MAPRE2: variants seen among roughly 807,000 people sequenced by gnomAD.
MAPRE2 encodes microtubule-associated protein RP/EB family member 2.
A neutral mutation model predicts 43.2 loss-of-function variants in MAPRE2; 13 were observed. The ratio of observed to expected loss-of-function variants is 0.30; its 90% CI spans 0.20 to 0.48. MAPRE2 has a LOEUF of 0.48. Ranked by LOEUF, MAPRE2 falls within the 20% of genes least tolerant of loss-of-function variation. The pLI is 0.99. For synonymous variants in MAPRE2, 135 were observed against 148.8 expected, an observed-to-expected ratio of 0.91 and a Z score of 0.68; for missense variants, 161 against 400.2, an observed-to-expected ratio of 0.40 and a Z score of 5.10.
At chr18:35,105,710 G>C (rs1908872664) in intron 4 of MAPRE2, among the ~76,000 whole-genome samples, 2 of 151,996 alleles carry the variant, frequency 1.3e-5, no homozygotes, top group South Asian at 4.2e-4. Flanking sequence ...TTAGCACATA[G>C]CTCATTAGGG....
intron 2 of MAPRE2, among the ~76,000 whole-genome samples, chr18:35,077,631 A>G (rs1907435045): frequency 6.6e-6 from 1 of 152,188 alleles, no homozygotes. Context: ...CATTAACTTC[A>G]GTGACTGGAG....
chr18:35,056,878 G>C (rs1906259628), intron 1 of MAPRE2, among the ~76,000 whole-genome samples: 1 of 152,064 alleles, frequency 6.6e-6, no homozygotes, highest in Non-Finnish European at 1.5e-5. Context: ...TAAAAATTTT[G>C]TCCTTTGCTC....
intron 2 of MAPRE2, among the ~76,000 whole-genome samples, chr18:35,029,936 G>C (rs1439852654): frequency 6.6e-6 from 1 of 152,194 alleles, no homozygotes; most frequent in Non-Finnish European, 1.5e-5. Context: ...GCAGATTGTA[G>C]CTTTGAATAC....
intron 4 of MAPRE2, among the ~76,000 whole-genome samples, chr18:35,113,458 A>C (rs1449875090): frequency 1.3e-5 from 2 of 151,876 alleles, no homozygotes; most frequent in Non-Finnish European, 2.9e-5. Flanking sequence ...AAGTATGTAC[A>C]TTGTTTTTTA....
chr18:35,035,989 A>G (rs2097050357), intron 2 of MAPRE2, among the ~76,000 whole-genome samples: 1 of 149,208 alleles, frequency 6.7e-6, no homozygotes, highest in South Asian at 2.2e-4. Flanking sequence ...ACAAATACTT[A>G]GTGAACACCC....
intron 2 of MAPRE2, among the ~76,000 whole-genome samples, chr18:35,087,512 A>G (rs766000428): frequency 3.3e-5 from 5 of 152,170 alleles, no homozygotes; most frequent in East Asian, 1.9e-4. Context: ...AATTTTATTT[A>G]TACCTCGTCA....
At chr18:35,022,401 A>G (rs199639206) in intron 2 of MAPRE2, among the ~76,000 whole-genome samples, 4 of 30,650 alleles carry the variant, frequency 1.3e-4, no homozygotes, top group African/African-American at 2.7e-4. Flanking sequence ...ATTTTTTATC[A>G]TAAGATAACG....
intron 2 of MAPRE2, among the ~76,000 whole-genome samples, chr18:35,020,411 G>A (rs1015606702): frequency 2.6e-5 from 4 of 151,784 alleles, no homozygotes; most frequent in Non-Finnish European, 4.4e-5. Context: ...CTTTATTTTC[G>A]CCCTTGGTGA....
chr18:34,978,322 C>T (rs2150567661), intron 1 of MAPRE2: 1 of 649,478 alleles, frequency 1.5e-6, no homozygotes, highest in Non-Finnish European at 2.7e-6. Flanking sequence ...AGCGCTCAAA[C>T]CCGCGCCCGC....
intron 4 of MAPRE2, among the ~76,000 whole-genome samples, chr18:35,106,322 C>G (rs1024967792): frequency 6.7e-6 from 1 of 149,800 alleles, no homozygotes; most frequent in East Asian, 2.0e-4. Flanking sequence ...TTATCTCTCC[C>G]CCAAAATTTC....
intron 4 of MAPRE2, among the ~76,000 whole-genome samples, chr18:35,116,673 C>T (rs943920858): frequency 2.0e-5 from 3 of 152,158 alleles, no homozygotes; most frequent in African/African-American, 7.2e-5. Context: ...ATGCTTACTT[C>T]GTGGCAACTG....
intron 2 of MAPRE2, among the ~76,000 whole-genome samples, chr18:35,074,510 T>C (rs1276519878): frequency 6.6e-6 from 1 of 152,102 alleles, no homozygotes; most frequent in African/African-American, 2.4e-5. Context: ...AAGTACATCT[T>C]TTCCTTGAAA....
At chr18:35,121,443 A>T (rs2144224898) in intron 4 of MAPRE2, among the ~76,000 whole-genome samples, 1 of 152,322 alleles carries the variant, frequency 6.6e-6, no homozygotes, top group East Asian at 1.9e-4. Flanking sequence ...AATTACAGGG[A>T]CTTAGACAGA....
chr18:34,981,409 C>G (rs1378297149), intron 1 of MAPRE2, among the ~76,000 whole-genome samples: 2 of 151,688 alleles, frequency 1.3e-5, no homozygotes, highest in African/African-American at 4.8e-5. Flanking sequence ...TCGGATTACT[C>G]CATATTAATC....
At chr18:35,045,258 A>T (rs368789836) in intron 1 of MAPRE2, among the ~76,000 whole-genome samples, 1 of 152,200 alleles carries the variant, frequency 6.6e-6, no homozygotes, top group Admixed American at 6.5e-5. Flanking sequence ...CCTGGAGAGG[A>T]TGCTCCCCAT....
intron 1 of MAPRE2, among the ~76,000 whole-genome samples, chr18:35,046,119 A>C (rs1241395367): frequency 1.3e-5 from 2 of 152,234 alleles, no homozygotes; most frequent in Non-Finnish European, 2.9e-5. Context: ...TTGAAGCTGC[A>C]GTGAATAATT....
Position 35,041,453 on chromosome 18 carries a change from C to A in MAPRE2, c.-87C>A, listed in dbSNP as rs1905359269. ...GAGCAGGCGGCAGGCACGGTCCGTG[C>A]GGAGCAGGCGAGCGAGCGGGAAGAC... On this transcript the variant is annotated 5_prime_UTR_variant, in exon 1 of 7. Transcript: ENST00000300249. The A allele has an allele frequency of 1.2e-6, 2 of 1,605,506 alleles. No homozygotes were observed. The highest frequency in any genetic ancestry group is 8.5e-7 in the Non-Finnish European group (1 of 1,176,368).
At chr18:35,038,294 C>A (rs2097051731), upstream of MAPRE2, among the ~76,000 whole-genome samples, 1 of 152,200 alleles carries the variant, frequency 6.6e-6, no homozygotes, top group African/African-American at 2.4e-5. Context: ...TTCTAGATAT[C>A]TTCTACATGG....
chr18:34,990,882 G>A (rs1207987268), intron 1 of MAPRE2, among the ~76,000 whole-genome samples: 1 of 152,136 alleles, frequency 6.6e-6, no homozygotes, highest in African/African-American at 2.4e-5. Context: ...AAAAAATTAA[G>A]CAATAACTGA....
Sources: gnomAD v4.1 joint callset for allele counts (sites outside exome capture counted in the v4.1 genomes callset) on GRCh38, gnomAD v4.1.1 for gene constraint, MANE v1.5 for transcripts, NCBI Gene and HGNC (gene_info 2026-07-23, HGNC 2026-07-21) for gene names.